The following FN1 variants were observed in gnomAD, a reference collection of about 807,000 sequenced individuals.
FN1 encodes the protein fibronectin.
A neutral mutation model predicts 297.3 loss-of-function variants in FN1; 106 were observed. The observed-to-expected ratio is 0.36, with a 90% CI of 0.30 to 0.42. FN1 has a LOEUF of 0.42. Among genes scored for constraint, FN1 ranks in the 10% least tolerant of loss-of-function variants. The probability of loss-of-function intolerance (pLI) is 1.00; values close to 1 mark genes in which losing one functional copy is unlikely to be tolerated. For synonymous variants in FN1, 1,149 were observed against 1,152.6 expected (o/e 1.00, Z 0.06); for missense variants, 2,690 against 3,124.9 (o/e 0.86, Z 3.32).
chr2:215,378,069 A>T, intron 35 of FN1, 106 bp downstream of exon 35: 2 of 797,438 alleles, frequency 2.5e-6, no homozygotes, highest in Admixed American at 1.8e-5. Context: ...CAGCTTCCCA[A>T]AGTGCTTGGA....
At chr2:215,387,452 C>T (rs2059170464) in intron 27 of FN1, among the ~76,000 whole-genome samples, 1 of 152,086 alleles carries the variant, frequency 6.6e-6, no homozygotes, top group South Asian at 2.1e-4. Flanking sequence ...GGTAATGATG[C>T]CAAACACAAA....
chr2:215,433,468 G>C lies in FN1; in HGVS notation c.278-7C>G, dbSNP rs1251232322. 6.2e-7 allele frequency: 1 copy of C among 1,613,464 alleles called. No individual in the cohort carries two copies. Among genetic ancestry groups the C allele is most frequent in the African/African-American group, 1.3e-5 (1 of 74,976 alleles). ...TCAAAGCAAGTCTCTTCAGCTGAGG[G>C]GAAAAGGAAAGTCCATGTGAGCCTC... On this transcript the variant is annotated splice_region_variant and splice_polypyrimidine_tract_variant and intron_variant, in intron 2 of 45. Transcript: ENST00000354785.
At position 215,397,008 on chromosome 2, in the gene FN1, A is replaced by G. The variant is rs537631855; in HGVS notation, c.3604+129T>C. The G allele has an allele frequency of 1.8e-4, 137 of 773,928 alleles. No individual in the cohort carries two copies. In the African/African-American group the frequency reaches 1.9e-3, roughly 11 times the overall value. The allele number at this position is 773,928 out of a possible 1,614,324, so 47.9% of individuals were successfully genotyped here. A position where few individuals can be genotyped will look rare whatever the true frequency, so the allele number is the denominator to read the frequency against. On this transcript the variant is annotated intron_variant, in intron 23 of 45. Coordinates refer to ENST00000354785, the MANE Select transcript of FN1 (RefSeq NM_212482.4). Reference sequence around the variant, plus strand: ...TCCATGATGTACATCATGTACTGCTATAGTTTTTATGGAGAGCTAAGCATT... The same window carrying G: ...TCCATGATGTACATCATGTACTGCTGTAGTTTTTATGGAGAGCTAAGCATT...
intron 36 of FN1, 75 bp downstream of exon 36, chr2:215,376,423 G>T: frequency 7.5e-7 from 1 of 1,324,870 alleles, no homozygotes; most frequent in Non-Finnish European, 1.1e-6. Context: ...AGTGTCAGTC[G>T]TAGAACAGTT....
chr2:215,389,250 C>G (rs1047087086), intron 26 of FN1, among the ~76,000 whole-genome samples: 1 of 152,034 alleles, frequency 6.6e-6, no homozygotes, highest in Non-Finnish European at 1.5e-5. Flanking sequence ...ATTACAGGTG[C>G]CTGCCACCAT....
chr2:215,364,666 T>A (rs1387919614), intron 44 of FN1: 2 of 598,700 alleles, frequency 3.3e-6, no homozygotes, highest in South Asian at 2.0e-5. Context: ...TCATTCATTC[T>A]TTCTACTAAG....
At chr2:215,375,144 G>C (rs2057036888) in intron 38 of FN1, 70 bp downstream of exon 38, 1 of 1,425,522 alleles carries the variant, frequency 7.0e-7, no homozygotes, top group Non-Finnish European at 9.9e-7. Flanking sequence ...AAGACGCTGT[G>C]GGAGTTTGCT....
At position 215,375,711 on chromosome 2, in the gene FN1, T is replaced by C. The variant is rs2057160082; in HGVS notation, c.5895A>G (p.Gln1965=). Residue 1965 remains glutamine (Q), a synonymous_variant, in exon 37 of 46, where the codon CAA becomes CAG. Coordinates refer to ENST00000354785, the MANE Select transcript of FN1 (RefSeq NM_212482.4). ...GGTAGATCTTGTAGTCAGTGCCTGGTTGTAAACCTGGGATTTGAGAAGAGA... is the reference window on the plus strand; with the variant it reads ...GGTAGATCTTGTAGTCAGTGCCTGGCTGTAAACCTGGGATTTGAGAAGAGA... ...DVRSYTITGL[Q]PGTDYKIYLY... is the part of the protein sequence containing the mutation. The C allele has an allele frequency of 6.2e-7, 1 of 1,606,008 alleles. No individual in the cohort carries two copies. Among genetic ancestry groups the C allele is most frequent in the African/African-American group, 1.3e-5 (1 of 74,848 alleles).
chr2:215,372,029 T>C lies in FN1; in HGVS notation c.6594A>G (p.Pro2198=). The part of the protein sequence containing the change: ...HLYPHGPGLN[P]NASTGQEALS... Reference sequence around the variant, plus strand: ...GAGCTTCTTGTCCTGTAGAGGCATTTGGATTGAGTCCCGGACCGTGTGGGT... The same window carrying C: ...GAGCTTCTTGTCCTGTAGAGGCATTCGGATTGAGTCCCGGACCGTGTGGGT... The change falls in exon 40 of 46, where the codon CCA becomes CCG. Residue 2198 remains proline (P), a synonymous_variant. Transcript: ENST00000354785. The C allele has an allele frequency of 6.2e-7, 1 of 1,614,242 alleles. No individual in the cohort carries two copies. Among genetic ancestry groups the C allele is most frequent in the Non-Finnish European group, 8.5e-7 (1 of 1,180,034 alleles).
chr2:215,424,162 G>T lies in FN1; in HGVS notation c.1200C>A (p.Phe400Leu). ...GACACTCACCAGTGTGGTCTGTGCA[G>T]AAAGAGTATTTCTGGTCCTGCTCAT... ...SNYEQDQKYSFCTDHTVLVQT... is the reference protein window; with the variant it reads ...SNYEQDQKYSLCTDHTVLVQT... The change falls in exon 8 of 46, where the codon TTC (phenylalanine) becomes TTA (leucine). Residue 400 changes from phenylalanine to leucine, a missense_variant. Physicochemically the swap from Phe to Leu is conservative, Grantham distance 22. Transcript: ENST00000354785. 6.2e-7 allele frequency: 1 copy of T among 1,614,190 alleles called. No individual in the cohort carries two copies.
intron 26 of FN1, among the ~76,000 whole-genome samples, chr2:215,390,357 G>C (rs747144055): frequency 6.6e-6 from 1 of 152,002 alleles, no homozygotes; most frequent in Non-Finnish European, 1.5e-5. Context: ...GCTAATTTTT[G>C]TATTTTTTGT....
chr2:215,402,564 C>G (rs1468049184), intron 20 of FN1, among the ~76,000 whole-genome samples: 1 of 152,124 alleles, frequency 6.6e-6, no homozygotes, highest in African/African-American at 2.4e-5. Context: ...CAAAAACATG[C>G]AAGCCTTGTG....
chr2:215,408,027 G>A, intron 17 of FN1, 81 bp downstream of exon 17: 1 of 1,024,324 alleles, frequency 9.8e-7, no homozygotes, highest in Non-Finnish European at 1.5e-6. Flanking sequence ...TGATATGCAG[G>A]TCCGCAGTCA....
intron 41 of FN1, among the ~76,000 whole-genome samples, chr2:215,368,962 A>T (rs945140676): frequency 6.6e-6 from 1 of 152,212 alleles, no homozygotes; most frequent in African/African-American, 2.4e-5. Context: ...TCAAAAGCTC[A>T]AAAGCAGTAG....
At chr2:215,367,702 T>C (rs1287871124) in intron 42 of FN1, 161 bp downstream of exon 42, 1 of 748,012 alleles carries the variant, frequency 1.3e-6, no homozygotes, top group Non-Finnish European at 2.3e-6. Flanking sequence ...CCCATCATTT[T>C]TCTATGATGC....
rs377295855 is a variant in FN1, at chr2:215,372,209, C to T, written c.6414G>A (p.Gly2138=). ...CATGTTCCTCAAAGATCATTTGTTGCCCAACACTGGGTTGCTGACCAGAAG... is the reference window on the plus strand; with the variant it reads ...CATGTTCCTCAAAGATCATTTGTTGTCCAACACTGGGTTGCTGACCAGAAG... ...PGTSGQQPSV[G]QQMIFEEHGF... The change falls in exon 40 of 46, where the codon GGG becomes GGA. Residue 2138 remains glycine, a synonymous_variant. Transcript: ENST00000354785. The T allele has an allele frequency of 6.2e-7, 1 of 1,614,066 alleles. No homozygotes were observed. Among genetic ancestry groups the T allele is most frequent in the African/African-American group, 1.3e-5 (1 of 74,916 alleles).
chr2:215,391,867 T>A, intron 25 of FN1, 53 bp from the exon 26 acceptor site: 2 of 1,513,722 alleles, frequency 1.3e-6, no homozygotes, highest in Non-Finnish European at 1.8e-6. Context: ...AAATTAAAGC[T>A]AACGAAGTAG....
At chr2:215,374,365 C>G (rs1423864845) in intron 38 of FN1, among the ~76,000 whole-genome samples, 1 of 152,178 alleles carries the variant, frequency 6.6e-6, no homozygotes, top group Admixed American at 6.5e-5. Flanking sequence ...TGGTTTGGCT[C>G]TGTGTCTGCA....
At chr2:215,371,144 T>C (rs530432328) in intron 40 of FN1, among the ~76,000 whole-genome samples, 2 of 152,126 alleles carry the variant, frequency 1.3e-5, no homozygotes, top group East Asian at 1.9e-4. Context: ...GGCACATGCC[T>C]GTAATCCCAG....
Sources: gnomAD v4.1 joint callset for allele counts (sites outside exome capture counted in the v4.1 genomes callset) on GRCh38, gnomAD v4.1.1 for gene constraint, MANE v1.5 for transcripts, NCBI Gene and HGNC (gene_info 2026-07-23, HGNC 2026-07-21) for gene names.